RTL5: variants seen among roughly 807,000 people sequenced by gnomAD.
RTL5 encodes retrotransposon Gag like 5.
A neutral mutation model predicts 7.7 loss-of-function variants in RTL5; 8 were observed. That is an observed-to-expected ratio of 1.04 (90% confidence interval 0.61 to 1.88). The LOEUF (loss-of-function observed/expected upper bound fraction) is 1.88, where lower values mean the gene tolerates loss of function less well. RTL5 is among the 40% of genes most tolerant of loss of function. RTL5 has a pLI of 0.00. For missense variants in RTL5, 457 were observed against 472.7 expected (o/e 0.97, Z 0.31); for synonymous variants, 188 against 191.8 (o/e 0.98, Z 0.16).
rs267606504 is a variant in RTL5 at position 72,129,899 on chromosome X, G to C, written c.1642C>G (p.Pro548Ala). The C allele has an allele frequency of 2.5e-6, 3 of 1,210,654 alleles. No homozygotes were observed. In the East Asian group the frequency reaches 8.9e-5, roughly 36 times the overall value. Residue 548 changes from proline to alanine, a missense_variant, in exon 1 of 1, where the codon CCT (proline) becomes GCT (alanine). Physicochemically the swap from Pro to Ala is conservative, Grantham distance 27 (BLOSUM62 -1). Transcript: ENST00000609883. ...CTCGGAGTGAGGCGGAAAAGCACAG[G>C]GGGGCGTCTTCGAACTTGGCGTTGT...
chrX:72,130,473 C>A lies in RTL5; in HGVS notation c.1068G>T (p.Arg356Ser), dbSNP rs768655277. The A allele has an allele frequency of 5.8e-6, 7 of 1,210,844 alleles. No homozygotes were observed. In the South Asian group the frequency reaches 1.1e-4, roughly 18 times the overall value. The change falls in exon 1 of 1, where the codon AGG (arginine) becomes AGT (serine). Residue 356 changes from arginine to serine, a missense_variant. Coordinates refer to ENST00000609883, the Ensembl canonical transcript of RTL5. ...GCTTCCTCTGGTCCTTGGAGTGAAG[C>A]CTGTGCCTGCGTGCCTCTTGGTCTT...
At chrX:72,131,221 A>G (rs2042294379) in exon 1 of RTL5, 1 of 1,202,391 alleles carries the variant, frequency 8.3e-7, no homozygotes, top group African/African-American at 1.8e-5. Flanking sequence ...ATCCTGGATC[A>G]CGTTAATCAA....
exon 1 of RTL5, chrX:72,130,753 T>C (rs765894115): frequency 8.3e-7 from 1 of 1,211,704 alleles, no homozygotes; most frequent in East Asian, 3.0e-5. Context: ...AGACAAGAAT[T>C]GGGCCAGGAA....
chrX:72,129,914 C>T (rs1214715437), exon 1 of RTL5: 2 of 1,211,243 alleles, frequency 1.7e-6, no homozygotes, highest in Admixed American at 2.2e-5. Flanking sequence ...CGTCTTCGAA[C>T]TTGGCGTTGT....
chrX:72,131,278 CA>C lies in RTL5; in HGVS notation c.262del (p.Cys88AlafsTer17). 8.3e-7 allele frequency: 1 copy of C among 1,200,572 alleles called. No individual in the cohort carries two copies. The highest frequency in any genetic ancestry group is 1.1e-6 in the Non-Finnish European group (1 of 890,201). On this transcript the variant is annotated frameshift_variant, in exon 1 of 1. Coordinates refer to ENST00000609883, the Ensembl canonical transcript of RTL5. LOFTEE classifies it low-confidence loss of function (END_TRUNC). ...GGGCTCCGCGCGTGGGGGAGGCCGG[CA>C]CAAGAAGGGCAGTTCTCCCCCGGGA...
At chrX:72,131,812 A>C in exon 1 of RTL5, 1 of 208,011 alleles carries the variant, frequency 4.8e-6, no homozygotes. Flanking sequence ...CGCCAGGCGG[A>C]GGATGCGGGC....
chrX:72,131,025 G>T (rs759157504), exon 1 of RTL5: 2 of 1,211,103 alleles, frequency 1.7e-6, no homozygotes, highest in Non-Finnish European at 2.2e-6. Context: ...CGGCTATGAA[G>T]GTCTCTAGCT....
At chrX:72,127,829 G>A (rs1263281659) in exon 1 of RTL5, 2 of 112,985 alleles carry the variant, frequency 1.8e-5, no homozygotes, top group Admixed American at 9.3e-5. Context: ...GAATTATTCA[G>A]TATGCATGAC....
chrX:72,129,588 A>T, exon 1 of RTL5: 1 of 402,933 alleles, frequency 2.5e-6, no homozygotes, highest in East Asian at 4.0e-5. Context: ...CGGACTGAGC[A>T]GAGTACATGC....
exon 1 of RTL5, chrX:72,131,063 G>C: frequency 8.3e-7 from 1 of 1,210,539 alleles, no homozygotes; most frequent in Non-Finnish European, 1.1e-6. Flanking sequence ...AGGTAGACTG[G>C]GTCTCCTGAA....
chrX:72,130,111 G>A (rs778358543), exon 1 of RTL5: 15 of 1,211,020 alleles, frequency 1.2e-5, no homozygotes, highest in Admixed American at 6.5e-5. Context: ...CTGGGATGAC[G>A]CGTGAACAAA....
chrX:72,129,798 G>C, exon 1 of RTL5: 1 of 1,153,996 alleles, frequency 8.7e-7, no homozygotes, highest in South Asian at 2.0e-5. Context: ...GCAAAAGAAG[G>C]GTGTGTTCTG....
exon 1 of RTL5, chrX:72,130,604 C>G: frequency 8.3e-7 from 1 of 1,211,568 alleles, no homozygotes; most frequent in Non-Finnish European, 1.1e-6. Context: ...GGCTTGGGAA[C>G]GCGCACTTTT....
upstream of RTL5, chrX:72,131,842 C>T: frequency 1.2e-5 from 3 of 254,332 alleles, no homozygotes; most frequent in East Asian, 9.2e-5. Flanking sequence ...GCGGCGGCGA[C>T]CGCGCGACCG....
At chrX:72,130,950 G>A in exon 1 of RTL5, 2 of 1,211,682 alleles carry the variant, frequency 1.7e-6, no homozygotes, top group Non-Finnish European at 2.2e-6. Flanking sequence ...CCTTGGCTTC[G>A]CCAGTGAAAA....
exon 1 of RTL5, chrX:72,129,780 C>T (rs866582682): frequency 1.4e-5 from 16 of 1,107,644 alleles, no homozygotes; most frequent in Middle Eastern, 2.7e-4. Flanking sequence ...ATAGCAGGGG[C>T]GGGGGATGCA....
chrX:72,131,600 G>GCGGCC, exon 1 of RTL5: 1 of 1,088,023 alleles, frequency 9.2e-7, no homozygotes, highest in Non-Finnish European at 1.2e-6. Context: ...GGAACTACGG[G>GCGGCC]CGGCCGGAGG....
At chrX:72,129,819 T>G in exon 1 of RTL5, 1 of 1,180,962 alleles carries the variant, frequency 8.5e-7, no homozygotes. Flanking sequence ...GGTGGCCATC[T>G]GGCCCCAGCA....
chrX:72,127,300 A>C, downstream of RTL5: 1 of 64,366 alleles, frequency 1.6e-5, no homozygotes, highest in Non-Finnish European at 2.7e-5. Flanking sequence ...CTTTCAACCC[A>C]AGAAAGCTCC....
Sources: allele counts gnomAD v4.1 joint callset, GRCh38; gene constraint gnomAD v4.1.1; transcripts MANE v1.5; gene names NCBI Gene and HGNC (gene_info 2026-07-23, HGNC 2026-07-21).